Variants in NPAS3 observed in about 807,000 individuals in gnomAD.
NPAS3 encodes the protein neuronal PAS domain protein 3.
Under a neutral mutation model 73.1 loss-of-function variants are expected in NPAS3, and 14 were observed. The ratio of observed to expected loss-of-function variants is 0.19; its 90% CI spans 0.13 to 0.30. NPAS3 has a LOEUF of 0.30. NPAS3 is among the 10% of genes least tolerant of loss of function. NPAS3 has a pLI of 1.00. For synonymous variants in NPAS3, 620 were observed against 541.5 expected (o/e 1.14, Z -2.01); for missense variants, 1,096 against 1,250.0 (o/e 0.88, Z 1.86).
intron 1 of NPAS3, among the ~76,000 whole-genome samples, chr14:32,989,369 G>T (rs1016129629): frequency 2.6e-5 from 4 of 152,182 alleles, no homozygotes; most frequent in African/African-American, 7.2e-5. Flanking sequence ...TTGTGGCCGG[G>T]CACGGTGGCT....
chr14:33,293,060 G>A (rs949399767), intron 3 of NPAS3, among the ~76,000 whole-genome samples: 1 of 152,076 alleles, frequency 6.6e-6, no homozygotes, highest in African/African-American at 2.4e-5. Flanking sequence ...TGACCCATCA[G>A]ATATTCTGGT....
chr14:33,134,210 CT>C (rs576187686), intron 2 of NPAS3, among the ~76,000 whole-genome samples: 155 of 145,322 alleles, frequency 1.1e-3, no homozygotes, highest in Middle Eastern at 3.5e-3. Context: ...GACAGTTGAA[CT>C]TTTTTTTTTT....
chr14:33,395,397 A>G (rs1467312840), intron 4 of NPAS3, among the ~76,000 whole-genome samples: 1 of 131,088 alleles, frequency 7.6e-6, no homozygotes, highest in Admixed American at 7.8e-5. Context: ...TTACTACATC[A>G]TAGTTCAAGT....
At chr14:33,462,947 A>G (rs978233314) in intron 4 of NPAS3, among the ~76,000 whole-genome samples, 2 of 152,224 alleles carry the variant, frequency 1.3e-5, no homozygotes, top group Non-Finnish European at 2.9e-5. Flanking sequence ...TGGCAGACAG[A>G]AAGGTAAGTA....
At chr14:33,292,264 G>A (rs1043721723) in intron 3 of NPAS3, among the ~76,000 whole-genome samples, 17 of 152,202 alleles carry the variant, frequency 1.1e-4, no homozygotes, top group Middle Eastern at 3.4e-3. Context: ...CAAACTTTAT[G>A]TAGTGCTTTG....
rs187279990 is a variant in NPAS3, at chr14:33,597,983, T to G, written c.558+37773T>G. Among the ~76,000 whole-genome samples the G allele has an allele frequency of 2.0e-4, 31 of 152,330 alleles. No individual in the cohort carries two copies. The East Asian group carries it at 2.9e-3, about 14-fold the overall frequency. ...TCCAAAGTTGCTAAATTTCTCTTAA[T>G]TCTGTTGCAGTCTCTGGGGATTAAA... On this transcript the variant is annotated intron_variant, in intron 5 of 11. Transcript: ENST00000356141.
intron 2 of NPAS3, among the ~76,000 whole-genome samples, chr14:33,187,654 C>T (rs1030170796): frequency 6.6e-6 from 1 of 152,106 alleles, no homozygotes; most frequent in African/African-American, 2.4e-5. Context: ...AGTGATGGCA[C>T]CTGTGAATAG....
chr14:33,694,303 A>G (rs1162485864), intron 6 of NPAS3, among the ~76,000 whole-genome samples: 3 of 152,218 alleles, frequency 2.0e-5, no homozygotes, highest in Admixed American at 1.3e-4. Flanking sequence ...TTTACTCAGA[A>G]AGTGAATTTG....
intron 2 of NPAS3, among the ~76,000 whole-genome samples, chr14:33,085,967 A>G (rs2042011834): frequency 1.3e-5 from 2 of 152,136 alleles, no homozygotes; most frequent in African/African-American, 4.8e-5. Flanking sequence ...AGATTTACCA[A>G]CAGTCTCCTA....
chr14:33,343,856 G>A (rs868718395), intron 3 of NPAS3, among the ~76,000 whole-genome samples: 1 of 141,216 alleles, frequency 7.1e-6, no homozygotes, highest in Non-Finnish European at 1.6e-5. Flanking sequence ...CAGGACCTAG[G>A]TCTGCTCTGG....
chr14:33,473,006 A>G (rs2050857046), intron 4 of NPAS3, among the ~76,000 whole-genome samples: 1 of 151,790 alleles, frequency 6.6e-6, no homozygotes, highest in South Asian at 2.1e-4. Context: ...TGCGGGGGGA[A>G]CTGTAAGCAT....
At chr14:33,139,639 A>G (rs188778139) in intron 2 of NPAS3, among the ~76,000 whole-genome samples, 1 of 152,314 alleles carries the variant, frequency 6.6e-6, no homozygotes, top group East Asian at 1.9e-4. Flanking sequence ...TTCTGAATAC[A>G]AGCTCCATAC....
intron 2 of NPAS3, among the ~76,000 whole-genome samples, chr14:33,072,379 G>A (rs56936048): frequency 0.048 from 7,295 of 152,188 alleles, 515 homozygotes; most frequent in African/African-American, 0.16. Context: ...CAGTGTATTA[G>A]AAATCACTGT....
chr14:33,703,234 T>C (rs957601233), intron 6 of NPAS3, among the ~76,000 whole-genome samples: 1 of 152,070 alleles, frequency 6.6e-6, no homozygotes, highest in East Asian at 1.9e-4. Context: ...ATTCCCATGA[T>C]CCAATCACTT....
intron 4 of NPAS3, among the ~76,000 whole-genome samples, chr14:33,516,080 C>G (rs773043220): frequency 2.0e-5 from 3 of 151,690 alleles, no homozygotes; most frequent in African/African-American, 4.9e-5. Flanking sequence ...GCTAAGTATA[C>G]TAAATAGGTA....
At chr14:33,125,837 A>G (rs954278581) in intron 2 of NPAS3, among the ~76,000 whole-genome samples, 5 of 152,216 alleles carry the variant, frequency 3.3e-5, no homozygotes, top group African/African-American at 4.8e-5. Context: ...AAAAATAGTA[A>G]TGTTTTAGAT....
At chr14:33,045,681 A>T (rs1368214056) in intron 1 of NPAS3, among the ~76,000 whole-genome samples, 1 of 152,196 alleles carries the variant, frequency 6.6e-6, no homozygotes, top group Non-Finnish European at 1.5e-5. Flanking sequence ...GAAGACTTTT[A>T]TGATCAGTTC....
chr14:33,267,940 G>T (rs758579371), intron 3 of NPAS3, among the ~76,000 whole-genome samples: 1 of 152,134 alleles, frequency 6.6e-6, no homozygotes, highest in Non-Finnish European at 1.5e-5. Flanking sequence ...GAAGAATTTG[G>T]CATCTACTTG....
At chr14:33,500,879 T>C (rs966098697) in intron 4 of NPAS3, among the ~76,000 whole-genome samples, 1 of 151,926 alleles carries the variant, frequency 6.6e-6, no homozygotes, top group Non-Finnish European at 1.5e-5. Flanking sequence ...AGCTGGTGGG[T>C]CATCACTGGC....
Sources: gnomAD v4.1 joint callset for allele counts (sites outside exome capture counted in the v4.1 genomes callset) on GRCh38, gnomAD v4.1.1 for gene constraint, MANE v1.5 for transcripts, NCBI Gene and HGNC (gene_info 2026-07-23, HGNC 2026-07-21) for gene names.